The following SSH1 variants were observed in gnomAD, a reference collection of about 807,000 sequenced individuals.
SSH1 encodes the protein protein phosphatase Slingshot homolog 1.
A neutral mutation model predicts 79.7 loss-of-function variants in SSH1; 43 were observed. The ratio of observed to expected loss-of-function variants is 0.54; its 90% confidence interval spans 0.42 to 0.70. The LOEUF is 0.70. Ranked by LOEUF, SSH1 falls within the 30% of genes least tolerant of loss-of-function variation. SSH1 has a pLI of 0.00. For synonymous variants in SSH1, 599 were observed against 538.3 expected (o/e 1.11, Z -1.56); for missense variants, 1,206 against 1,358.8 (o/e 0.89, Z 1.77).
intron 2 of SSH1, among the ~76,000 whole-genome samples, chr12:108,839,827 G>A (rs1227652017): frequency 1.3e-5 from 2 of 152,150 alleles, no homozygotes; most frequent in East Asian, 3.9e-4. Context: ...GGTTAACATT[G>A]GTCTTTGGAG....
rs1304661945 is a variant in SSH1, at chr12:108,782,606, T to C, written c.*5382A>G. The C allele has an allele frequency of 6.6e-6, 1 of 152,202 alleles. No homozygotes were observed. Among genetic ancestry groups the C allele is most frequent in the Non-Finnish European group, 1.5e-5 (1 of 68,040 alleles). The allele number at this position is 152,202 out of a possible 1,614,324, so 9.4% of individuals were successfully genotyped here. On this transcript the variant is annotated 3_prime_UTR_variant, in exon 15 of 15. Coordinates refer to ENST00000326495, the MANE Select transcript of SSH1 (RefSeq NM_018984.4). ...ATAGATGCTCAATAAAGACTGGCCA[T>C]GTCAATGACGATGATGATGACGATG... is the stretch of plus-strand genomic sequence containing the variant.
chr12:108,809,510 A>C (rs543496736), intron 7 of SSH1, among the ~76,000 whole-genome samples, 183 bp downstream of exon 7: 2 of 151,908 alleles, frequency 1.3e-5, no homozygotes, highest in African/African-American at 4.8e-5. Flanking sequence ...GAATATACTT[A>C]ATGCCGCTAA....
At chr12:108,801,755 A>T (rs944377566) in intron 11 of SSH1, among the ~76,000 whole-genome samples, 1 of 146,502 alleles carries the variant, frequency 6.8e-6, no homozygotes, top group Non-Finnish European at 1.5e-5. Flanking sequence ...AAAAAAAAAA[A>T]GTCCAGACAT....
chr12:108,813,710 A>G (rs183828874), intron 5 of SSH1, among the ~76,000 whole-genome samples: 2,176 of 139,600 alleles, frequency 0.016, 68 homozygotes, highest in African/African-American at 0.058. Context: ...CCTGTCTCCA[A>G]ATTAAAAAAA....
intron 14 of SSH1, 132 bp from the exon 15 acceptor site, chr12:108,789,376 A>G: frequency 2.2e-6 from 2 of 920,752 alleles, no homozygotes; most frequent in Admixed American, 4.0e-5. Context: ...CTCTCATTTC[A>G]CTTAATACTG....
intron 2 of SSH1, among the ~76,000 whole-genome samples, chr12:108,827,906 C>G (rs771756987): frequency 7.2e-5 from 11 of 152,212 alleles, no homozygotes; most frequent in Non-Finnish European, 1.5e-4. Context: ...TGAGGGGACA[C>G]GCCAGGTAGA....
chr12:108,832,201 G>A (rs953749085), intron 2 of SSH1, among the ~76,000 whole-genome samples: 7 of 152,096 alleles, frequency 4.6e-5, no homozygotes, highest in African/African-American at 1.7e-4. Context: ...GGAGGCTGAA[G>A]TGGGAGAATC....
Position 108,817,082 on chromosome 12 carries a change from G to A in SSH1, c.357C>T (p.Thr119=), listed in dbSNP as rs757110786. Residue 119 remains threonine (T), a synonymous_variant, in exon 5 of 15, where the codon ACC becomes ACT. Coordinates refer to ENST00000326495, the MANE Select transcript of SSH1 (RefSeq NM_018984.4). Reference sequence around the variant, plus strand: ...CCACTCCCAGCAAGATATTCTCCTCGGTGTCCTGGCGCCCGCTGCTGTACA... The same window carrying A: ...CCACTCCCAGCAAGATATTCTCCTCAGTGTCCTGGCGCCCGCTGCTGTACA... The part of the protein sequence containing the change: ...VVVYSSGRQD[T]EENILLGVDF... The A allele has an allele frequency of 9.3e-6, 15 of 1,614,036 alleles. No homozygotes were observed. The highest frequency in any genetic ancestry group is 1.2e-5 in the Non-Finnish European group (14 of 1,180,032).
chr12:108,848,602 G>A lies in SSH1; in HGVS notation c.110+4036C>T, dbSNP rs17041017. Among the ~76,000 whole-genome samples, 1,211 of 152,330 alleles carry A rather than the reference G, an allele frequency of 7.9e-3. 21 individuals are homozygous for A. Among genetic ancestry groups the A allele is most frequent in the African/African-American group, 0.027 (1,141 of 41,576 alleles). ...GGCCTGAAAATGCAAATTAACACAC[G>A]GATGTGAATGAGTTTCAGTCAAAGC... On this transcript the variant is annotated intron_variant, in intron 2 of 14. Transcript: ENST00000326495.
intron 2 of SSH1, among the ~76,000 whole-genome samples, chr12:108,843,898 G>A (rs532672106): frequency 4.1e-4 from 62 of 152,068 alleles, no homozygotes; most frequent in Admixed American, 3.4e-3. Context: ...CACAAATTAC[G>A]CAGCCAGTCC....
At position 108,857,060 on chromosome 12, in the gene SSH1, GCACA is replaced by G. The variant is rs769573214; in HGVS notation, c.69+364_69+367del. On this transcript the variant is annotated intron_variant, in intron 1 of 14. Coordinates refer to ENST00000326495, the MANE Select transcript of SSH1 (RefSeq NM_018984.4). The surrounding 1 kb of genome is among the most constrained non-coding windows in gnomAD (Gnocchi z 4.7). Reference sequence around the variant, plus strand: ...CACAGTCACCCTTAGGGGTCACAACGCACACAGTCTCCGCCTAACAGGGGTCACC... The same window carrying G: ...CACAGTCACCCTTAGGGGTCACAACGCAGTCTCCGCCTAACAGGGGTCACC... 2.0e-5 allele frequency among the ~76,000 whole-genome samples: 3 copies of G among 152,244 alleles called. No individual in the cohort carries two copies. The highest frequency in any genetic ancestry group is 2.9e-5 in the Non-Finnish European group (2 of 68,042).
intron 8 of SSH1, 149 bp from the exon 9 acceptor site, chr12:108,806,543 G>A: frequency 1.3e-6 from 1 of 754,594 alleles, no homozygotes; most frequent in Non-Finnish European, 2.3e-6. Flanking sequence ...AGGCAGCAGG[G>A]AGAGGTGCAC....
rs77858948 is a variant in SSH1 at position 108,845,385 on chromosome 12, C to T, written c.110+7253G>A. ...CCCATGGAAGCTGTGAGATAATAAA[C>T]ATGGCCTGGGTGCGGTGGCTGGCCA... On this transcript the variant is annotated intron_variant, in intron 2 of 14. Coordinates refer to ENST00000326495, the MANE Select transcript of SSH1 (RefSeq NM_018984.4). 8.3e-3 allele frequency among the ~76,000 whole-genome samples: 1,265 copies of T among 151,996 alleles called. 11 individuals are homozygous for T. The highest frequency in any genetic ancestry group is 0.023 in the African/African-American group (970 of 41,456).
intron 1 of SSH1, among the ~76,000 whole-genome samples, chr12:108,856,398 C>T (rs932793988): frequency 1.3e-5 from 2 of 152,224 alleles, no homozygotes; most frequent in African/African-American, 4.8e-5. Context: ...GCAAACGGAC[C>T]TGGGCCACAC....
rs1441087841 is a variant in SSH1 at position 108,784,738 on chromosome 12, T to C, written c.*3250A>G. On this transcript the variant is annotated 3_prime_UTR_variant, in exon 15 of 15. Transcript: ENST00000326495. ...TTCCTGTATCAATGCAAGGTGAAGA[T>C]GTAGAAAAGTTCAGTCTAACTTTTG... is the stretch of plus-strand genomic sequence containing the variant. The C allele has an allele frequency of 6.6e-6, 1 of 152,182 alleles. No homozygotes were observed. Among genetic ancestry groups the C allele is most frequent in the Admixed American group, 6.5e-5 (1 of 15,270 alleles). The allele number at this position is 152,182 out of a possible 1,614,324, so 9.4% of individuals were successfully genotyped here.
Position 108,857,341 on chromosome 12 carries a change from C to A in SSH1, c.69+87G>T. Reference sequence around the variant, plus strand: ...CCCCGAGGAGCCCGCGCAGCCGCCCCCCTGCCCCGCACGCGCGGCCCCAGC... The same window carrying A: ...CCCCGAGGAGCCCGCGCAGCCGCCCACCTGCCCCGCACGCGCGGCCCCAGC... On this transcript the variant is annotated intron_variant, in intron 1 of 14. Coordinates refer to ENST00000326495, the MANE Select transcript of SSH1 (RefSeq NM_018984.4). The surrounding 1 kb of genome is among the most constrained non-coding windows in gnomAD (Gnocchi z 4.7). 1.2e-6 allele frequency: 1 copy of A among 809,812 alleles called. No individual in the cohort carries two copies. The highest frequency in any genetic ancestry group is 1.5e-6 in the Non-Finnish European group (1 of 670,078). 50.2% of individuals were successfully genotyped at this position (809,812 alleles called of 1,614,324 possible). A position where few individuals can be genotyped will look rare whatever the true frequency, so the allele number is the denominator to read the frequency against.
At chr12:108,811,640 C>T (rs150340401) in intron 5 of SSH1, 38 of 436,320 alleles carry the variant, frequency 8.7e-5, no homozygotes, top group African/African-American at 7.2e-4. Flanking sequence ...CTTGGGGGTA[C>T]ATAGGCAAGC....
intron 2 of SSH1, 67 bp from the exon 3 acceptor site, chr12:108,823,428 T>C: frequency 1.5e-6 from 2 of 1,337,278 alleles, no homozygotes; most frequent in Non-Finnish European, 2.1e-6. Flanking sequence ...AAAGAATTAC[T>C]GCAGGGGAAA....
chr12:108,816,066 C>T (rs1452552057), intron 5 of SSH1, among the ~76,000 whole-genome samples: 2 of 152,204 alleles, frequency 1.3e-5, no homozygotes, highest in East Asian at 1.9e-4. Flanking sequence ...CCCTAGAGCT[C>T]GCCTGACTGC....
Sources: allele counts gnomAD v4.1 joint callset (sites outside exome capture counted in the v4.1 genomes callset), GRCh38; gene constraint gnomAD v4.1.1; non-coding constraint Gnocchi (gnomAD v3.1); transcripts MANE v1.5; gene names NCBI Gene and HGNC (gene_info 2026-07-23, HGNC 2026-07-21).